The following EVC2 variants were observed in gnomAD, a reference collection of about 807,000 sequenced individuals.
EVC2 encodes the protein EvC ciliary complex subunit 2, also known as limbin.
Under a neutral mutation model 149.3 loss-of-function variants are expected in EVC2, and 148 were observed. The observed-to-expected ratio is 0.99, with a 90% confidence interval of 0.87 to 1.14. The LOEUF (loss-of-function observed/expected upper bound fraction) is 1.14. EVC2 is among the 50% of genes most tolerant of loss of function. EVC2 has a pLI of 0.00. For missense variants in EVC2, 1,854 were observed against 1,627.3 expected, an observed-to-expected ratio of 1.14 and a Z score of -2.40; for synonymous variants, 776 against 649.9, an observed-to-expected ratio of 1.19 and a Z score of -2.95.
intron 21 of EVC2, among the ~76,000 whole-genome samples, chr4:5,552,595 G>A (rs6814957): frequency 0.017 from 2,636 of 152,282 alleles, 64 homozygotes; most frequent in African/African-American, 0.059. Context: ...AAGTTATAGG[G>A]AACAGCTATT....
intron 16 of EVC2, among the ~76,000 whole-genome samples, chr4:5,592,165 C>T (rs1712865942): frequency 6.6e-6 from 1 of 152,160 alleles, no homozygotes; most frequent in African/African-American, 2.4e-5. Context: ...GAGAATGTGG[C>T]TCACATCTGT....
At chr4:5,534,111 G>A in the EVC2 span, among the ~76,000 whole-genome samples, 1 of 149,830 alleles carries the variant, frequency 6.7e-6, no homozygotes, top group Non-Finnish European at 1.5e-5. Context: ...TTTTAAAAAA[G>A]ATCAGCCTGG....
At chr4:5,692,759 C>T (rs533489689) in intron 3 of EVC2, among the ~76,000 whole-genome samples, 35 of 148,724 alleles carry the variant, frequency 2.4e-4, no homozygotes, top group South Asian at 1.7e-3. Flanking sequence ...CCCAGCTACT[C>T]GGGAGGCTGA....
downstream of EVC2, chr4:5,542,721 G>A: frequency 5.8e-6 from 1 of 173,886 alleles, no homozygotes; most frequent in Non-Finnish European, 1.2e-5. Context: ...GCTGTTGTGA[G>A]GCATTCACGG....
At chr4:5,574,080 C>T (rs1722781918) in intron 19 of EVC2, among the ~76,000 whole-genome samples, 1 of 152,252 alleles carries the variant, frequency 6.6e-6, no homozygotes, top group Non-Finnish European at 1.5e-5. Context: ...AGTCGTGTGG[C>T]TCGCATTCAC....
At chr4:5,552,265 A>C (rs991253564) in intron 21 of EVC2, among the ~76,000 whole-genome samples, 5 of 152,292 alleles carry the variant, frequency 3.3e-5, no homozygotes, top group African/African-American at 9.6e-5. Context: ...CCAGATATCT[A>C]ATGCAATTCA....
chr4:5,579,730 A>T (rs1414952019), intron 17 of EVC2, among the ~76,000 whole-genome samples: 2 of 152,126 alleles, frequency 1.3e-5, no homozygotes, highest in Non-Finnish European at 2.9e-5. Flanking sequence ...AGTCCCAGCT[A>T]CTCGGGAGGC....
chr4:5,562,016 T>G (rs1339807415), downstream of EVC2, among the ~76,000 whole-genome samples: 1 of 152,196 alleles, frequency 6.6e-6, no homozygotes. This position sits in a 1 kb window ranked among gnomAD's most constrained non-coding sequence, Gnocchi z 4.3. Context: ...CCTCAGGCAC[T>G]GCTGTGTGGA....
At chr4:5,708,206 G>T in intron 1 of EVC2, 80 bp downstream of exon 1, 1 of 1,251,348 alleles carries the variant, frequency 8.0e-7, no homozygotes, top group Non-Finnish European at 1.1e-6. Flanking sequence ...GAAATACTAA[G>T]GGTCCTCCCT....
chr4:5,596,754 C>T (rs1027430581), intron 16 of EVC2, among the ~76,000 whole-genome samples: 29 of 152,214 alleles, frequency 1.9e-4, no homozygotes, highest in Admixed American at 4.6e-4. Context: ...ACACAAAAAA[C>T]CCTTCAAAAA....
chr4:5,582,507 T>C (rs1711888869), intron 17 of EVC2, among the ~76,000 whole-genome samples: 1 of 152,230 alleles, frequency 6.6e-6, no homozygotes, highest in African/African-American at 2.4e-5. Context: ...TATAACTCCA[T>C]TGCATCACTG....
rs144730069 is a variant in EVC2 at position 5,681,266 on chromosome 4, G to C, written c.864C>G (p.Asn288Lys). 1.9e-6 allele frequency: 3 copies of C among 1,614,170 alleles called. No homozygotes were observed. Among genetic ancestry groups the C allele is most frequent in the South Asian group, 2.2e-5 (2 of 91,082 alleles). The change falls in exon 7 of 22, where the codon AAC (asparagine) becomes AAG (lysine). Residue 288 changes from asparagine to lysine, a missense_variant. Physicochemically the swap from Asn to Lys is moderately conservative, Grantham distance 94. Coordinates refer to ENST00000344408, the MANE Select transcript of EVC2 (RefSeq NM_147127.5). ...GGCATGTCATGTCTCTTACCGTTACGTTTTCTTCTGCTGTTATGGAAAAAA... is the reference window on the plus strand; with the variant it reads ...GGCATGTCATGTCTCTTACCGTTACCTTTTCTTCTGCTGTTATGGAAAAAA... ...KVLFSITAEE[N>K]VTVLPHHGLH...
In EVC2 at chr4:5,707,820, A is replaced by G. The variant is rs199876166; in HGVS notation, c.228+466T>C. 6.6e-5 allele frequency among the ~76,000 whole-genome samples: 10 copies of G among 152,216 alleles called. No individual in the cohort carries two copies. In the East Asian group the frequency reaches 1.7e-3, roughly 27 times the overall value. ...GAAGTGGCTAAATCCATCAGCCAGG[A>G]GAGTTCAGTCACCTAAGAGTCCAGC... is the stretch of plus-strand genomic sequence containing the variant. On this transcript the variant is annotated intron_variant, in intron 1 of 21. Transcript: ENST00000344408.
Position 5,631,929 on chromosome 4 carries a change from G to A in EVC2, c.1574C>T (p.Ala525Val), listed in dbSNP as rs372812834. Residue 525 changes from alanine (A) to valine (V), a missense_variant, in exon 11 of 22, where the codon GCT (alanine) becomes GTT (valine). Coordinates refer to ENST00000344408, the MANE Select transcript of EVC2 (RefSeq NM_147127.5). ...ALQQEEDFAK[A>V]HRQLAVFQRN... ...CTGGAAAACAGCCAGCTGTCTGTGA[G>A]CTTTGGCAAAGTCTTCTTCTTGTTG... 128 of 1,614,078 alleles carry A rather than the reference G, an allele frequency of 7.9e-5. No homozygotes were observed. The highest frequency in any genetic ancestry group is 1.0e-4 in the Non-Finnish European group (118 of 1,180,026).
chr4:5,705,052 T>C (rs1336178890), intron 1 of EVC2, among the ~76,000 whole-genome samples: 1 of 152,190 alleles, frequency 6.6e-6, no homozygotes, highest in African/African-American at 2.4e-5. Flanking sequence ...TTTGAAGCTA[T>C]AGTAATTACA....
At chr4:5,664,463 C>G (rs1171164334) in intron 8 of EVC2, among the ~76,000 whole-genome samples, 2 of 152,200 alleles carry the variant, frequency 1.3e-5, no homozygotes, top group Non-Finnish European at 2.9e-5. Context: ...GAAAATGAAT[C>G]CTGCTCCGAC....
In EVC2 at chr4:5,698,161, C is replaced by A. The variant is rs1721605294; in HGVS notation, c.229-514G>T. Among the ~76,000 whole-genome samples the A allele has an allele frequency of 2.0e-5, 3 of 152,222 alleles. No individual in the cohort carries two copies. The South Asian group carries it at 6.2e-4, about 32-fold the overall frequency. On this transcript the variant is annotated intron_variant, in intron 1 of 21. Coordinates refer to ENST00000344408, the MANE Select transcript of EVC2 (RefSeq NM_147127.5). Reference sequence around the variant, plus strand: ...CTCTTTCCCAGGGAGAGAATCAGCGCCCTCATGAATGCATTTCTGGGAGCT... The same window carrying A: ...CTCTTTCCCAGGGAGAGAATCAGCGACCTCATGAATGCATTTCTGGGAGCT...
At chr4:5,648,329 T>C (rs1355373942) in intron 9 of EVC2, among the ~76,000 whole-genome samples, 18 of 152,222 alleles carry the variant, frequency 1.2e-4, no homozygotes, top group Admixed American at 1.2e-3. Flanking sequence ...TGTGGTAATT[T>C]GTTACAGCTG....
chr4:5,701,476 G>T (rs936881632), intron 1 of EVC2, among the ~76,000 whole-genome samples: 1 of 152,082 alleles, frequency 6.6e-6, no homozygotes, highest in Non-Finnish European at 1.5e-5. Context: ...TGACCTTCGG[G>T]TCACATTCCT....
Sources: allele counts gnomAD v4.1 joint callset (sites outside exome capture counted in the v4.1 genomes callset), GRCh38; gene constraint gnomAD v4.1.1; non-coding constraint Gnocchi (gnomAD v3.1); transcripts MANE v1.5; gene names NCBI Gene and HGNC (gene_info 2026-07-23, HGNC 2026-07-21).